Variants in MOXD1 observed in about 807,000 individuals in gnomAD.
MOXD1 encodes DBH-like monooxygenase protein 1.
MOXD1 carries 62 observed loss-of-function variants against 66.6 expected under a neutral mutation model. That is an observed-to-expected ratio of 0.93 (90% confidence interval 0.76 to 1.15). The LOEUF (loss-of-function observed/expected upper bound fraction) is 1.15, where lower values mean the gene tolerates loss of function less well. Among genes scored for constraint, MOXD1 ranks in the 50% most tolerant of loss-of-function variants. The pLI, the probability that MOXD1 is intolerant of heterozygous loss-of-function variation, is 0.00. For missense variants in MOXD1, 847 were observed against 754.6 expected (o/e 1.12, Z -1.44); for synonymous variants, 303 against 281.9 (o/e 1.07, Z -0.75).
At chr6:132,365,278 A>G (rs954189955) in intron 4 of MOXD1, among the ~76,000 whole-genome samples, 2 of 152,172 alleles carry the variant, frequency 1.3e-5, no homozygotes, top group African/African-American at 4.8e-5. Flanking sequence ...GAAAGGACTA[A>G]GATGCCTCCA....
At chr6:132,401,028 G>T in intron 1 of MOXD1, 135 bp downstream of exon 1, 1 of 1,165,356 alleles carries the variant, frequency 8.6e-7, no homozygotes, top group Non-Finnish European at 1.1e-6. Context: ...GCGAGAGTGA[G>T]CGTGGCCGGG....
chr6:132,314,153 C>T (rs1366735509), intron 10 of MOXD1, among the ~76,000 whole-genome samples: 1 of 152,146 alleles, frequency 6.6e-6, no homozygotes, highest in Non-Finnish European at 1.5e-5. Context: ...CAATATCATC[C>T]TCAGCATGTT....
intron 4 of MOXD1, among the ~76,000 whole-genome samples, chr6:132,370,633 T>G (rs915662833): frequency 1.3e-5 from 2 of 152,130 alleles, no homozygotes; most frequent in Admixed American, 1.3e-4. Context: ...AAAGTTTGTA[T>G]GAGCACTCCC....
chr6:132,299,339 G>A (rs1774478258), intron 10 of MOXD1, among the ~76,000 whole-genome samples: 1 of 152,090 alleles, frequency 6.6e-6, no homozygotes, highest in African/African-American at 2.4e-5. Flanking sequence ...CTCACTACCT[G>A]GGTGATGGAA....
intron 10 of MOXD1, among the ~76,000 whole-genome samples, chr6:132,309,795 G>A (rs1305009952): frequency 6.6e-6 from 1 of 152,160 alleles, no homozygotes; most frequent in Non-Finnish European, 1.5e-5. Context: ...AAACTGCTTA[G>A]CCATAGGCTG....
intron 4 of MOXD1, among the ~76,000 whole-genome samples, chr6:132,339,952 C>A (rs182372406): frequency 1.3e-5 from 2 of 151,438 alleles, no homozygotes; most frequent in African/African-American, 4.9e-5. Context: ...TCACTGCAAC[C>A]TTTGCCTCCC....
At chr6:132,399,727 G>A (rs1450682343) in intron 1 of MOXD1, among the ~76,000 whole-genome samples, 1 of 152,142 alleles carries the variant, frequency 6.6e-6, no homozygotes, top group East Asian at 1.9e-4. Flanking sequence ...GAACATGCAA[G>A]GATAGTTAAG....
intron 10 of MOXD1, among the ~76,000 whole-genome samples, chr6:132,307,720 C>A (rs1192418068): frequency 6.6e-6 from 1 of 152,174 alleles, no homozygotes; most frequent in Non-Finnish European, 1.5e-5. Flanking sequence ...AACAAACTCA[C>A]TCAAAACCAT....
At chr6:132,347,107 A>G (rs548799355) in intron 4 of MOXD1, among the ~76,000 whole-genome samples, 2 of 152,348 alleles carry the variant, frequency 1.3e-5, no homozygotes, top group South Asian at 2.1e-4. Context: ...TAATCTTTAT[A>G]CGACACTGAG....
intron 4 of MOXD1, among the ~76,000 whole-genome samples, chr6:132,331,289 C>T (rs1775312504): frequency 6.6e-6 from 1 of 152,208 alleles, no homozygotes; most frequent in Admixed American, 6.5e-5. Context: ...CAGGCAGAAC[C>T]TTAAGGTTGT....
chr6:132,323,923 C>T lies in MOXD1; in HGVS notation c.1113+8G>A, dbSNP rs778889143. The T allele has an allele frequency of 1.9e-6, 3 of 1,598,032 alleles. No individual in the cohort carries two copies. In the South Asian group the frequency reaches 3.4e-5, roughly 18 times the overall value. ...GCAGAGAGCAGCTCAGACTCAGATG[C>T]TGCATACCTCTTCCAGGCACTCCAA... On this transcript the variant is annotated splice_region_variant and intron_variant, in intron 7 of 11. Coordinates refer to ENST00000367963, the MANE Select transcript of MOXD1 (RefSeq NM_015529.4).
At chr6:132,376,316 A>G (rs971170684) in intron 1 of MOXD1, among the ~76,000 whole-genome samples, 2 of 152,204 alleles carry the variant, frequency 1.3e-5, no homozygotes, top group African/African-American at 2.4e-5. Context: ...TATAAAAGTC[A>G]TACTCAAATA....
intron 4 of MOXD1, among the ~76,000 whole-genome samples, chr6:132,337,919 G>A (rs1297482063): frequency 1.3e-5 from 2 of 152,048 alleles, no homozygotes; most frequent in African/African-American, 4.8e-5. Context: ...AAATTCATAC[G>A]TATATGGCCA....
At chr6:132,301,955 CG>C (rs150231516) in intron 10 of MOXD1, among the ~76,000 whole-genome samples, 2,655 of 152,150 alleles carry the variant, frequency 0.017, 76 homozygotes, top group African/African-American at 0.059. Flanking sequence ...AAGGGAATTT[CG>C]AAACAGAAAA....
At chr6:132,365,765 C>T (rs1383030295) in intron 4 of MOXD1, among the ~76,000 whole-genome samples, 1 of 152,154 alleles carries the variant, frequency 6.6e-6, no homozygotes, top group African/African-American at 2.4e-5. Context: ...ATGAACTTTA[C>T]AACATTGAAC....
chr6:132,373,371 G>A (rs917689739), intron 2 of MOXD1, among the ~76,000 whole-genome samples: 1 of 152,154 alleles, frequency 6.6e-6, no homozygotes, highest in Non-Finnish European at 1.5e-5. Context: ...CAGCAGCAGA[G>A]ACTTTGGAAA....
intron 4 of MOXD1, among the ~76,000 whole-genome samples, chr6:132,354,370 T>C (rs1775867370): frequency 6.6e-6 from 1 of 152,212 alleles, no homozygotes; most frequent in South Asian, 2.1e-4. Flanking sequence ...ACTCTCCCCT[T>C]TTTTCTATGG....
rs1428041298 is a variant in MOXD1, at chr6:132,352,493, A to G, written c.663+20115T>C. 2.0e-5 allele frequency among the ~76,000 whole-genome samples: 3 copies of G among 152,174 alleles called. No individual in the cohort carries two copies. The East Asian group carries it at 5.8e-4, about 29-fold the overall frequency. On this transcript the variant is annotated intron_variant, in intron 4 of 11. Coordinates refer to ENST00000367963, the MANE Select transcript of MOXD1 (RefSeq NM_015529.4). ...TAGTTTTATTCCACTGTGGTCTGAG[A>G]AAGTGCTTGATATAATTTCAATTTT...
chr6:132,317,829 T>C (rs1774991688), intron 9 of MOXD1, among the ~76,000 whole-genome samples: 1 of 152,172 alleles, frequency 6.6e-6, no homozygotes. Flanking sequence ...AGGTGATTAC[T>C]ATCTTAATAT....
Sources: gnomAD v4.1 joint callset for allele counts (sites outside exome capture counted in the v4.1 genomes callset) on GRCh38, gnomAD v4.1.1 for gene constraint, MANE v1.5 for transcripts, NCBI Gene and HGNC (gene_info 2026-07-23, HGNC 2026-07-21) for gene names.